The following WDR25 variants were observed in gnomAD, a reference collection of about 807,000 sequenced individuals.
WDR25 encodes WD repeat-containing protein 25.
A neutral mutation model predicts 47.7 loss-of-function variants in WDR25; 35 were observed. The ratio of observed to expected loss-of-function variants is 0.73; its 90% CI spans 0.56 to 0.97. WDR25 has a LOEUF of 0.97. Among genes scored for constraint, WDR25 ranks in the 50% least tolerant of loss-of-function variants. WDR25 has a pLI of 0.00. For synonymous variants in WDR25, 248 were observed against 278.9 expected (o/e 0.89, Z 1.10); for missense variants, 634 against 704.7 (o/e 0.90, Z 1.14).
At chr14:100,504,458 C>T (rs1193672069) in intron 4 of WDR25, 1 of 152,206 alleles carries the variant, frequency 6.6e-6, no homozygotes, top group Admixed American at 6.5e-5. Flanking sequence ...TCTGTTCCTT[C>T]TGTATGTCTT....
chr14:100,484,443 T>G (rs574363134), intron 4 of WDR25, among the ~76,000 whole-genome samples: 2 of 150,000 alleles, frequency 1.3e-5, no homozygotes, highest in Admixed American at 6.7e-5. Context: ...CGGGTACAGA[T>G]GACTTTGGTA....
intron 2 of WDR25, among the ~76,000 whole-genome samples, chr14:100,459,909 T>TCC (rs1566920261): frequency 8.7e-5 from 4 of 46,156 alleles, no homozygotes; most frequent in African/African-American, 3.1e-4. Context: ...TATATATATA[T>TCC]ATATATATAT....
intron 2 of WDR25, among the ~76,000 whole-genome samples, chr14:100,410,192 C>T (rs867215386): frequency 3.3e-5 from 5 of 152,196 alleles, no homozygotes; most frequent in Non-Finnish European, 5.9e-5. Flanking sequence ...GCGCTCCCTT[C>T]GTCAAACACG....
intron 2 of WDR25, among the ~76,000 whole-genome samples, chr14:100,398,078 T>C (rs760268315): frequency 3.2e-4 from 49 of 152,350 alleles, no homozygotes; most frequent in Non-Finnish European, 5.7e-4. Flanking sequence ...CCTCAAGTGA[T>C]CCACCCGCCT....
intron 2 of WDR25, among the ~76,000 whole-genome samples, chr14:100,389,466 G>A (rs188187744): frequency 1.9e-4 from 29 of 152,202 alleles, no homozygotes; most frequent in African/African-American, 6.5e-4. Context: ...GTTTTCTTTT[G>A]TCTATTCTCC....
rs534889489 is a variant in WDR25, at chr14:100,392,867, G to A, written c.822+11121G>A. ...CCTTTTCTGTTGGATTATTTCTTTCGGATTGATTCCCAGAAGTGGGACTGC... is the reference window on the plus strand; with the variant it reads ...CCTTTTCTGTTGGATTATTTCTTTCAGATTGATTCCCAGAAGTGGGACTGC... On this transcript the variant is annotated intron_variant, in intron 2 of 6. Coordinates refer to ENST00000402312, the MANE Select transcript of WDR25 (RefSeq NM_001161476.3). This position sits in a 1 kb window ranked among gnomAD's most constrained non-coding sequence, Gnocchi z 4.2. 6.4e-4 allele frequency among the ~76,000 whole-genome samples: 98 copies of A among 152,268 alleles called. No homozygotes were observed. The highest frequency in any genetic ancestry group is 2.2e-3 in the African/African-American group (91 of 41,542).
intron 3 of WDR25, among the ~76,000 whole-genome samples, chr14:100,483,205 AT>A (rs1480176791): frequency 2.0e-5 from 3 of 152,202 alleles, no homozygotes; most frequent in African/African-American, 7.2e-5. Context: ...CAAATGATTG[AT>A]GTTTTTGAAG....
chr14:100,452,633 G>A (rs1363009376), intron 2 of WDR25, among the ~76,000 whole-genome samples: 2 of 152,076 alleles, frequency 1.3e-5, no homozygotes, highest in Admixed American at 1.3e-4. Context: ...TGCTACAGTG[G>A]AGTCAGGGCA....
chr14:100,470,392 C>T (rs150257367), intron 3 of WDR25, among the ~76,000 whole-genome samples: 199 of 152,354 alleles, frequency 1.3e-3, no homozygotes, highest in Admixed American at 0.013. Context: ...CGTCGGATTA[C>T]TCAAATCAAA....
chr14:100,434,103 A>G (rs1898426316), intron 2 of WDR25, among the ~76,000 whole-genome samples: 1 of 152,078 alleles, frequency 6.6e-6, no homozygotes, highest in African/African-American at 2.4e-5. Context: ...GAGAGAAACC[A>G]AGATTTGGGA....
chr14:100,496,168 G>T (rs115840285), intron 4 of WDR25, among the ~76,000 whole-genome samples: 1 of 152,134 alleles, frequency 6.6e-6, no homozygotes, highest in South Asian at 2.1e-4. Context: ...AAGTGGTCTC[G>T]TTTGATCTCT....
intron 3 of WDR25, among the ~76,000 whole-genome samples, chr14:100,471,500 C>G (rs73349470): frequency 0.034 from 5,254 of 152,306 alleles, 310 homozygotes; most frequent in African/African-American, 0.12. Context: ...TTTGACTTGT[C>G]TTGTCCTTTC....
intron 3 of WDR25, among the ~76,000 whole-genome samples, chr14:100,477,650 T>C (rs1900060516): frequency 6.6e-6 from 1 of 152,212 alleles, no homozygotes; most frequent in African/African-American, 2.4e-5. Flanking sequence ...CTAGTGTTCA[T>C]GTTCAAGATA....
chr14:100,496,605 T>A lies in WDR25; in HGVS notation c.1101+12481T>A, dbSNP rs1023765756. Among the ~76,000 whole-genome samples the A allele has an allele frequency of 2.6e-5, 4 of 152,244 alleles. No individual in the cohort carries two copies. In the East Asian group the frequency reaches 7.7e-4, roughly 29 times the overall value. On this transcript the variant is annotated intron_variant, in intron 4 of 6. Coordinates refer to ENST00000402312, the MANE Select transcript of WDR25 (RefSeq NM_001161476.3). The stretch of plus-strand genomic sequence containing the variant: ...ATCTTTTTTAATATAAACATTTTAA[T>A]GCTACACATTTTCCTCTCAGCACTA...
At chr14:100,446,550 C>CAAAAAAAAA (rs55946078) in intron 2 of WDR25, among the ~76,000 whole-genome samples, 6 of 75,004 alleles carry the variant, frequency 8.0e-5, no homozygotes, top group African/African-American at 3.4e-4. Context: ...GACTCCATCT[C>CAAAAAAAAA]AAAAAAAAAA....
At chr14:100,463,145 C>T (rs760739369) in intron 2 of WDR25, among the ~76,000 whole-genome samples, 2 of 145,312 alleles carry the variant, frequency 1.4e-5, no homozygotes, top group Non-Finnish European at 3.0e-5. Flanking sequence ...TTTTTCTCTC[C>T]TCTCCCCAAT....
At chr14:100,386,402 G>A (rs11624075) in intron 2 of WDR25, among the ~76,000 whole-genome samples, 27,792 of 152,124 alleles carry the variant, frequency 0.18, 2,696 homozygotes, top group Non-Finnish European at 0.21. Flanking sequence ...CTTCTGTAAC[G>A]TGTAAGGGGA....
intron 2 of WDR25, among the ~76,000 whole-genome samples, chr14:100,402,623 GCTCAACTGTGTT>G (rs2140173920): frequency 6.6e-6 from 1 of 152,294 alleles, no homozygotes; most frequent in South Asian, 2.1e-4. Flanking sequence ...AAACATAGAG[GCTCAACTGTGTT>G]CTCTGAGGCC....
chr14:100,405,956 A>G (rs1431184122), intron 2 of WDR25, among the ~76,000 whole-genome samples: 1 of 152,204 alleles, frequency 6.6e-6, no homozygotes, highest in Non-Finnish European at 1.5e-5. Flanking sequence ...TGATGCAATC[A>G]ATCCGTTTCT....
Sources: gnomAD v4.1 joint callset for allele counts (sites outside exome capture counted in the v4.1 genomes callset) on GRCh38, gnomAD v4.1.1 for gene constraint, Gnocchi (gnomAD v3.1) non-coding constraint, MANE v1.5 for transcripts, NCBI Gene and HGNC (gene_info 2026-07-23, HGNC 2026-07-21) for gene names.